RELN: variants seen among roughly 807,000 people sequenced by gnomAD.
The protein encoded by RELN is reelin.
A neutral mutation model predicts 427.6 loss-of-function variants in RELN; 108 were observed. The observed-to-expected ratio is 0.25, with a 90% CI of 0.22 to 0.30. RELN has a LOEUF of 0.30. Among genes scored for constraint, RELN ranks in the 10% least tolerant of loss-of-function variants. The pLI, the probability that RELN is intolerant of heterozygous loss-of-function variation, is 1.00. For synonymous variants in RELN, 1,524 were observed against 1,513.4 expected, an observed-to-expected ratio of 1.01 and a Z score of -0.16; for missense variants, 3,715 against 4,302.8, an observed-to-expected ratio of 0.86 and a Z score of 3.82.
chr7:103,597,874 A>G (rs2117258053), intron 24 of RELN, among the ~76,000 whole-genome samples: 1 of 152,312 alleles, frequency 6.6e-6, no homozygotes, highest in East Asian at 1.9e-4. Context: ...AAATGATTTC[A>G]GCTAATGGGG....
At chr7:103,974,066 C>A (rs1447706729) in intron 1 of RELN, among the ~76,000 whole-genome samples, 2 of 152,066 alleles carry the variant, frequency 1.3e-5, no homozygotes, top group East Asian at 3.9e-4. Context: ...TTGCTTGAAC[C>A]CAAAAGGTGG....
chr7:103,595,056 A>G (rs932335772), intron 25 of RELN, among the ~76,000 whole-genome samples: 1 of 152,208 alleles, frequency 6.6e-6, no homozygotes, highest in Non-Finnish European at 1.5e-5. Context: ...TTACATCATA[A>G]GTACATTCTC....
chr7:103,630,861 T>TTTTTG (rs1554394451), intron 19 of RELN, among the ~76,000 whole-genome samples: 575 of 37,088 alleles, frequency 0.016, 7 homozygotes, highest in African/African-American at 0.05. Context: ...GTTTTTTTTG[T>TTTTTG]TTTTTTTTTT....
At chr7:103,911,582 T>C (rs1444738311) in intron 2 of RELN, among the ~76,000 whole-genome samples, 1 of 150,610 alleles carries the variant, frequency 6.6e-6, no homozygotes, top group Non-Finnish European at 1.5e-5. Flanking sequence ...TTATTCACAA[T>C]AGCAAAGACT....
At chr7:103,662,625 CAAAAAAA>C (rs747230376) in intron 11 of RELN, among the ~76,000 whole-genome samples, 2 of 77,338 alleles carry the variant, frequency 2.6e-5, no homozygotes, top group East Asian at 3.4e-4. Flanking sequence ...GACTCCGTCA[CAAAAAAA>C]AAAAAAAAAA....
chr7:103,696,777 T>C (rs1833985130), intron 10 of RELN, among the ~76,000 whole-genome samples: 1 of 152,144 alleles, frequency 6.6e-6, no homozygotes, highest in Admixed American at 6.6e-5. Context: ...TTTTTCTTCC[T>C]TCCGTTCAGT....
intron 2 of RELN, among the ~76,000 whole-genome samples, chr7:103,839,303 C>CT (rs34244913): frequency 0.014 from 1,734 of 121,174 alleles, 25 homozygotes; most frequent in South Asian, 0.038. Context: ...GTGGTCTTTG[C>CT]TTTTTTTTTT....
At chr7:103,893,631 GA>G (rs1449469584) in intron 2 of RELN, among the ~76,000 whole-genome samples, 12 of 152,158 alleles carry the variant, frequency 7.9e-5, no homozygotes, top group Non-Finnish European at 1.6e-4. Context: ...GTGTTGGAGA[GA>G]CCTTTTAAAG....
intron 20 of RELN, among the ~76,000 whole-genome samples, chr7:103,624,819 T>TA (rs1832294052): frequency 6.6e-6 from 1 of 152,158 alleles, no homozygotes; most frequent in Non-Finnish European, 1.5e-5. Context: ...TTTCTTTCTC[T>TA]AAAAAATGAC....
intron 3 of RELN, among the ~76,000 whole-genome samples, chr7:103,797,393 C>T (rs1190577437): frequency 6.6e-6 from 1 of 152,172 alleles, no homozygotes; most frequent in African/African-American, 2.4e-5. Flanking sequence ...GTGTGAGTCA[C>T]TGTGCCTGGC....
chr7:103,572,358 A>G, intron 30 of RELN, 98 bp from the exon 31 acceptor site: 1 of 717,726 alleles, frequency 1.4e-6, no homozygotes, highest in South Asian at 1.5e-5. Context: ...TCCTGTATTT[A>G]TTAAGTACTA....
intron 2 of RELN, among the ~76,000 whole-genome samples, chr7:103,856,911 A>AATAT (rs10654498): frequency 6.6e-6 from 1 of 152,104 alleles, no homozygotes; most frequent in South Asian, 2.1e-4. Flanking sequence ...CATACTTTAA[A>AATAT]ATATATATAT....
intron 4 of RELN, among the ~76,000 whole-genome samples, chr7:103,769,195 A>C (rs993670046): frequency 4.6e-5 from 7 of 152,168 alleles, no homozygotes; most frequent in Non-Finnish European, 8.8e-5. Context: ...TGTGATTTGA[A>C]TGTGTCCCCT....
Position 103,561,872 on chromosome 7 carries a change from C to T in RELN, c.5292G>A (p.Leu1764=), listed in dbSNP as rs759537676. 1.9e-6 allele frequency: 3 copies of T among 1,609,878 alleles called. No individual in the cohort carries two copies. The highest frequency in any genetic ancestry group is 2.5e-6 in the Non-Finnish European group (3 of 1,178,742). The part of the protein sequence containing the change: ...ADSWAIDNVV[L]ASGCPWMCSG... ...AGCACATCCAAGGGCACCCTGAGGC[C>T]AGTACAACATTATCAATCGCCCAGG... Residue 1764 remains leucine (L), a synonymous_variant, in exon 35 of 65, where the codon CTG becomes CTA. Coordinates refer to ENST00000428762, the MANE Select transcript of RELN (RefSeq NM_005045.4).
At chr7:103,700,827 G>A in intron 9 of RELN, 83 bp downstream of exon 9, 3 of 859,216 alleles carry the variant, frequency 3.5e-6, no homozygotes, top group Non-Finnish European at 6.0e-6. Context: ...TAAAGAAAAA[G>A]TTAGTGGTGG....
intron 45 of RELN, among the ~76,000 whole-genome samples, chr7:103,536,618 T>C (rs1010906505): frequency 6.6e-6 from 1 of 152,244 alleles, no homozygotes; most frequent in Non-Finnish European, 1.5e-5. Context: ...GTCTTCATTG[T>C]GCTTGCCTCC....
At position 103,682,261 on chromosome 7, in the gene RELN, G is replaced by A. The variant is rs905903434; in HGVS notation, c.1144C>T (p.His382Tyr). ...GAGTTCCCATCTGACTGACAGCTAT[G>A]CTGTAGGTGAAAAGAGAGCACGGGG... Reference protein sequence around the residue: ...WLFFPGATVKHSCQSDGNSIY... With the variant: ...WLFFPGATVKYSCQSDGNSIY... The change falls in exon 11 of 65, where the codon CAT (histidine) becomes TAT (tyrosine). Residue 382 changes from histidine (H) to tyrosine (Y), a missense_variant and splice_region_variant. Coordinates refer to ENST00000428762, the MANE Select transcript of RELN (RefSeq NM_005045.4). 6 of 1,613,888 alleles carry A rather than the reference G, an allele frequency of 3.7e-6. No individual in the cohort carries two copies. The African/African-American group carries it at 6.7e-5, about 18-fold the overall frequency.
chr7:103,481,144 T>C (rs994252637), intron 63 of RELN, among the ~76,000 whole-genome samples: 3 of 152,310 alleles, frequency 2.0e-5, no homozygotes, highest in Non-Finnish European at 4.4e-5. Flanking sequence ...GGCTGGTATA[T>C]TGGTGCCTCT....
At chr7:103,526,016 A>G (rs1438961938) in intron 46 of RELN, among the ~76,000 whole-genome samples, 1 of 152,162 alleles carries the variant, frequency 6.6e-6, no homozygotes, top group African/African-American at 2.4e-5. Flanking sequence ...AAAACACCCT[A>G]CAAGAGATGT....
Sources: allele counts gnomAD v4.1 joint callset (sites outside exome capture counted in the v4.1 genomes callset), GRCh38; gene constraint gnomAD v4.1.1; transcripts MANE v1.5; gene names NCBI Gene and HGNC (gene_info 2026-07-23, HGNC 2026-07-21).